Variants in GPC5 observed in about 807,000 individuals in gnomAD.
GPC5 encodes glypican 5, also known as glypican-5.
Under a neutral mutation model 53.9 loss-of-function variants are expected in GPC5, and 47 were observed. The observed-to-expected ratio is 0.87, with a 90% confidence interval of 0.69 to 1.11. The LOEUF is 1.11. Ranked by LOEUF, GPC5 falls within the 50% of genes most tolerant of loss-of-function variation. GPC5 has a pLI of 0.00. For missense variants in GPC5, 748 were observed against 713.1 expected, an observed-to-expected ratio of 1.05 and a Z score of -0.56; for synonymous variants, 286 against 263.3, an observed-to-expected ratio of 1.09 and a Z score of -0.84.
At chr13:92,321,696 A>G (rs2043217251) in intron 7 of GPC5, among the ~76,000 whole-genome samples, 2 of 152,190 alleles carry the variant, frequency 1.3e-5, no homozygotes, top group South Asian at 4.1e-4. Context: ...AAACATCCAG[A>G]AACAAAGATT....
At chr13:92,755,507 C>T (rs1364890676) in intron 7 of GPC5, among the ~76,000 whole-genome samples, 2 of 151,892 alleles carry the variant, frequency 1.3e-5, no homozygotes, top group East Asian at 2.0e-4. Context: ...AATGGAGACA[C>T]AAAAAACCCT....
At chr13:92,465,270 A>G (rs1478276477) in intron 7 of GPC5, among the ~76,000 whole-genome samples, 1 of 152,068 alleles carries the variant, frequency 6.6e-6, no homozygotes, top group Non-Finnish European at 1.5e-5. Flanking sequence ...TAGCAAATAT[A>G]GAAGCATTTT....
chr13:92,322,335 A>G (rs976370145), intron 7 of GPC5, among the ~76,000 whole-genome samples: 3 of 151,978 alleles, frequency 2.0e-5, no homozygotes, highest in East Asian at 1.9e-4. Context: ...AGGGCATAAA[A>G]TAAAAAGAAA....
chr13:92,609,398 G>T lies in GPC5; in HGVS notation c.1562-256884G>T, dbSNP rs780075519. On this transcript the variant is annotated intron_variant, in intron 7 of 7. Coordinates refer to ENST00000377067, the MANE Select transcript of GPC5 (RefSeq NM_004466.6). The stretch of plus-strand genomic sequence containing the variant: ...GTTTTTTGAAGGAAAAATAATACCT[G>T]TCTAGCAGGTTTGTTCTAAGATTCT... 4.6e-5 allele frequency among the ~76,000 whole-genome samples: 7 copies of T among 152,130 alleles called. No individual in the cohort carries two copies. The East Asian group carries it at 1.4e-3, about 29-fold the overall frequency.
At chr13:91,767,026 T>G (rs1008747752) in intron 5 of GPC5, among the ~76,000 whole-genome samples, 3 of 152,208 alleles carry the variant, frequency 2.0e-5, no homozygotes, top group African/African-American at 7.2e-5. Context: ...ATGAAACTAT[T>G]GTATTGACAT....
At chr13:92,273,492 A>G (rs1284462373) in intron 7 of GPC5, among the ~76,000 whole-genome samples, 3 of 152,242 alleles carry the variant, frequency 2.0e-5, no homozygotes, top group South Asian at 2.1e-4. Flanking sequence ...TGTTCTAATA[A>G]TAAGTGCAGA....
chr13:91,545,272 A>G (rs1216068826), intron 2 of GPC5, among the ~76,000 whole-genome samples: 3 of 152,226 alleles, frequency 2.0e-5, no homozygotes, highest in African/African-American at 4.8e-5. Context: ...TCTTTATTAT[A>G]GATTTAACTT....
At chr13:92,386,803 C>A (rs969633526) in intron 7 of GPC5, among the ~76,000 whole-genome samples, 2 of 152,012 alleles carry the variant, frequency 1.3e-5, no homozygotes, top group Admixed American at 1.3e-4. Context: ...ATTTTTACTT[C>A]TAATCCGGTT....
At chr13:92,379,336 A>G (rs1429551509) in intron 7 of GPC5, among the ~76,000 whole-genome samples, 1 of 152,206 alleles carries the variant, frequency 6.6e-6, no homozygotes, top group African/African-American at 2.4e-5. Flanking sequence ...GAGAGACCTG[A>G]AATGCAGAAG....
chr13:91,844,748 G>T (rs968204261), intron 5 of GPC5, among the ~76,000 whole-genome samples: 1 of 151,908 alleles, frequency 6.6e-6, no homozygotes, highest in African/African-American at 2.4e-5. Flanking sequence ...TTTAGACAGA[G>T]TCTCACTCAC....
chr13:91,562,662 C>T (rs1461392668), intron 2 of GPC5, among the ~76,000 whole-genome samples: 1 of 145,954 alleles, frequency 6.9e-6, no homozygotes, highest in East Asian at 2.0e-4. Flanking sequence ...GAGATGGATC[C>T]ACCTGCTGTG....
intron 2 of GPC5, among the ~76,000 whole-genome samples, chr13:91,689,914 A>G (rs781737958): frequency 2.0e-5 from 3 of 152,246 alleles, no homozygotes; most frequent in Non-Finnish European, 4.4e-5. Context: ...GTAAACACCC[A>G]GTAACAAAGT....
At chr13:92,378,147 A>T (rs977953478) in intron 7 of GPC5, among the ~76,000 whole-genome samples, 1 of 152,106 alleles carries the variant, frequency 6.6e-6, no homozygotes, top group East Asian at 1.9e-4. Context: ...AAGGGATCCA[A>T]CTCAAAGAAA....
intron 2 of GPC5, among the ~76,000 whole-genome samples, chr13:91,586,947 T>C (rs1298335836): frequency 6.6e-6 from 1 of 152,074 alleles, no homozygotes; most frequent in Non-Finnish European, 1.5e-5. Flanking sequence ...AGGCTAGGTA[T>C]ATTAGACATG....
chr13:91,721,069 CTTT>C (rs2036454825), intron 3 of GPC5, among the ~76,000 whole-genome samples: 1 of 1,486 alleles, frequency 6.7e-4, no homozygotes, highest in Non-Finnish European at 1.5e-3. Flanking sequence ...CCTTCCCTTT[CTTT>C]CTTTCTTTCT....
At chr13:92,668,864 C>T (rs1886657679) in intron 7 of GPC5, among the ~76,000 whole-genome samples, 1 of 151,860 alleles carries the variant, frequency 6.6e-6, no homozygotes, top group South Asian at 2.1e-4. Context: ...ATGTTATTTG[C>T]AGTGTTTATA....
At chr13:92,501,206 A>T (rs971513615) in intron 7 of GPC5, among the ~76,000 whole-genome samples, 1 of 152,180 alleles carries the variant, frequency 6.6e-6, no homozygotes, top group Non-Finnish European at 1.5e-5. Context: ...ATAATAAAAT[A>T]TTCCAACAAA....
intron 4 of GPC5, among the ~76,000 whole-genome samples, chr13:91,741,968 T>G (rs754050897): frequency 2.0e-5 from 3 of 152,132 alleles, no homozygotes; most frequent in Non-Finnish European, 4.4e-5. Context: ...CCTGTAAACT[T>G]AACTTGTGAA....
chr13:92,752,381 C>T (rs1374125153), intron 7 of GPC5, among the ~76,000 whole-genome samples: 1 of 152,118 alleles, frequency 6.6e-6, no homozygotes, highest in Non-Finnish European at 1.5e-5. Flanking sequence ...TCTGATTTTT[C>T]CCATTGCTTG....
Sources: allele counts gnomAD v4.1 joint callset (sites outside exome capture counted in the v4.1 genomes callset), GRCh38; gene constraint gnomAD v4.1.1; transcripts MANE v1.5; gene names NCBI Gene and HGNC (gene_info 2026-07-23, HGNC 2026-07-21).